OXR1: variants seen among roughly 807,000 people sequenced by gnomAD.
OXR1 encodes the protein oxidation resistance protein 1.
In OXR1, 41 loss-of-function variants were observed where a neutral mutation model predicts 104.6. The ratio of observed to expected loss-of-function variants is 0.39; its 90% CI spans 0.31 to 0.51. The LOEUF (loss-of-function observed/expected upper bound fraction) is 0.51, where lower values mean the gene tolerates loss of function less well. Among genes scored for constraint, OXR1 ranks in the 20% least tolerant of loss-of-function variants. The pLI is 0.77. For missense variants in OXR1, 955 were observed against 1,031.9 expected (o/e 0.93, Z 1.02); for synonymous variants, 348 against 348.4 (o/e 1.00, Z 0.01).
chr8:106,427,787 A>C (rs1819194020), intron 2 of OXR1, among the ~76,000 whole-genome samples: 1 of 152,222 alleles, frequency 6.6e-6, no homozygotes, highest in African/African-American at 2.4e-5. Context: ...AATATGTGAT[A>C]TCTCAATGTA....
At chr8:106,471,923 C>T (rs1311637830) in intron 2 of OXR1, among the ~76,000 whole-genome samples, 1 of 151,780 alleles carries the variant, frequency 6.6e-6, no homozygotes, top group African/African-American at 2.4e-5. Context: ...TCTTACATTA[C>T]CATAGTTCAA....
chr8:106,730,085 A>G (rs1195565527), intron 11 of OXR1, among the ~76,000 whole-genome samples: 1 of 151,962 alleles, frequency 6.6e-6, no homozygotes, highest in East Asian at 1.9e-4. Flanking sequence ...AATAGATTTC[A>G]TTTTTTAGAT....
chr8:106,679,811 A>G (rs368726705), intron 4 of OXR1, among the ~76,000 whole-genome samples: 34 of 150,974 alleles, frequency 2.3e-4, no homozygotes, highest in African/African-American at 7.5e-4. Flanking sequence ...TCCTGCAGTC[A>G]GCTGGCTTTT....
intron 6 of OXR1, among the ~76,000 whole-genome samples, chr8:106,688,733 A>G (rs1227358987): frequency 6.6e-6 from 1 of 152,116 alleles, no homozygotes; most frequent in African/African-American, 2.4e-5. Context: ...AAAAATGAGG[A>G]AAGTAAGGCA....
chr8:106,501,893 T>C (rs2129955155), intron 2 of OXR1, among the ~76,000 whole-genome samples: 1 of 152,290 alleles, frequency 6.6e-6, no homozygotes, highest in East Asian at 1.9e-4. Context: ...AAGATTAACA[T>C]AAACTGACTA....
intron 3 of OXR1, among the ~76,000 whole-genome samples, chr8:106,537,017 G>A (rs183717642): frequency 4.0e-4 from 61 of 152,240 alleles, no homozygotes; most frequent in African/African-American, 1.4e-3. Context: ...CAGTTCTGGA[G>A]GCTGGAAAGT....
At chr8:106,308,161 C>T (rs1354359865) in intron 1 of OXR1, among the ~76,000 whole-genome samples, 1 of 152,068 alleles carries the variant, frequency 6.6e-6, no homozygotes, top group Non-Finnish European at 1.5e-5. Flanking sequence ...GGACAGAGGG[C>T]CTGAGGACCA....
intron 1 of OXR1, among the ~76,000 whole-genome samples, chr8:106,284,569 A>G (rs1486454244): frequency 2.0e-5 from 3 of 152,204 alleles, no homozygotes; most frequent in African/African-American, 7.2e-5. Flanking sequence ...CTTTTTAAAA[A>G]GTCTTCTATT....
At chr8:106,511,478 G>A (rs1161493759) in intron 2 of OXR1, among the ~76,000 whole-genome samples, 4 of 152,190 alleles carry the variant, frequency 2.6e-5, no homozygotes, top group African/African-American at 9.6e-5. Context: ...AAAGGACTAC[G>A]AGTGTTCGGC....
intron 1 of OXR1, among the ~76,000 whole-genome samples, chr8:106,351,700 C>G (rs1213373652): frequency 6.6e-6 from 1 of 152,084 alleles, no homozygotes; most frequent in African/African-American, 2.4e-5. Context: ...TACTTTACTG[C>G]GAGGGCAATA....
chr8:106,668,040 T>A (rs966966186), intron 3 of OXR1, among the ~76,000 whole-genome samples: 1 of 152,104 alleles, frequency 6.6e-6, no homozygotes, highest in Non-Finnish European at 1.5e-5. Context: ...GGGATATATT[T>A]AACCATGCTT....
intron 1 of OXR1, among the ~76,000 whole-genome samples, chr8:106,345,850 G>A (rs902034443): frequency 1.3e-5 from 2 of 152,266 alleles, no homozygotes; most frequent in African/African-American, 4.8e-5. Context: ...AGAAGCTAGA[G>A]ACCTATCTCA....
chr8:106,393,339 G>C (rs1355234562), intron 2 of OXR1, among the ~76,000 whole-genome samples: 1 of 152,148 alleles, frequency 6.6e-6, no homozygotes, highest in Non-Finnish European at 1.5e-5. Flanking sequence ...TTACTACAGT[G>C]TGCCTGGACT....
Position 106,619,074 on chromosome 8 carries a change from A to G in OXR1, c.221-60136A>G, listed in dbSNP as rs1821478180. Among the ~76,000 whole-genome samples, 3 of 152,266 alleles carry G rather than the reference A, an allele frequency of 2.0e-5. No individual in the cohort carries two copies. In the South Asian group the frequency reaches 6.2e-4, roughly 32 times the overall value. On this transcript the variant is annotated intron_variant, in intron 3 of 16. Coordinates refer to ENST00000517566, the MANE Select transcript of OXR1 (RefSeq NM_001198533.2). ...ACTTTAAAAAATGAAATTGCTCTGC[A>G]TTATTATTTATTTATAGTTTTGCCT... is the stretch of plus-strand genomic sequence containing the variant.
chr8:106,453,346 G>A (rs1820428898), intron 2 of OXR1, among the ~76,000 whole-genome samples: 1 of 152,170 alleles, frequency 6.6e-6, no homozygotes. Flanking sequence ...GGACCACTTT[G>A]AAAATGAAAA....
At chr8:106,562,227 A>G (rs1046175581) in intron 3 of OXR1, among the ~76,000 whole-genome samples, 2 of 152,150 alleles carry the variant, frequency 1.3e-5, no homozygotes, top group Non-Finnish European at 2.9e-5. Context: ...AGAACCTTGA[A>G]AAAAGGTGAG....
intron 1 of OXR1, among the ~76,000 whole-genome samples, chr8:106,354,007 C>T (rs1430103092): frequency 1.3e-5 from 2 of 152,006 alleles, no homozygotes; most frequent in East Asian, 3.9e-4. Context: ...CTTTTTGTTC[C>T]TGGCTGATTT....
chr8:106,575,097 G>T (rs113152641), intron 3 of OXR1, among the ~76,000 whole-genome samples: 1 of 151,900 alleles, frequency 6.6e-6, no homozygotes, highest in Admixed American at 6.6e-5. Context: ...TTACATTTGC[G>T]TTAATTTAAC....
At chr8:106,737,687 A>T (rs1392274433) in intron 12 of OXR1, 87 bp downstream of exon 12, 11 of 475,926 alleles carry the variant, frequency 2.3e-5, no homozygotes, top group East Asian at 2.1e-4. Flanking sequence ...TCATTTGAAG[A>T]ATTTGCTTTG....
Sources: allele counts gnomAD v4.1 joint callset (sites outside exome capture counted in the v4.1 genomes callset), GRCh38; gene constraint gnomAD v4.1.1; transcripts MANE v1.5; gene names NCBI Gene and HGNC (gene_info 2026-07-23, HGNC 2026-07-21).